The following MMD2 variants were observed in gnomAD, a reference collection of about 807,000 sequenced individuals.
MMD2 encodes the protein monocyte to macrophage differentiation factor 2.
A neutral mutation model predicts 33.5 loss-of-function variants in MMD2; 30 were observed. The observed-to-expected ratio is 0.90, with a 90% CI of 0.67 to 1.22. MMD2 has a LOEUF of 1.22. Ranked by LOEUF, MMD2 falls within the 50% of genes most tolerant of loss-of-function variation. The pLI, the probability that MMD2 is intolerant of heterozygous loss-of-function variation, is 0.00. For missense variants in MMD2, 364 were observed against 325.4 expected (o/e 1.12, Z -0.91); for synonymous variants, 129 against 123.0 (o/e 1.05, Z -0.32).
chr7:4,916,954 C>T (rs1562479040), intron 3 of MMD2, among the ~76,000 whole-genome samples: 2 of 152,188 alleles, frequency 1.3e-5, no homozygotes, highest in East Asian at 3.9e-4. Flanking sequence ...TGCCTGTAGG[C>T]CTAGCTACTC....
At chr7:4,908,785 T>C (rs1401729082) in intron 6 of MMD2, among the ~76,000 whole-genome samples, 1 of 151,220 alleles carries the variant, frequency 6.6e-6, no homozygotes. Context: ...TAATCCCAGC[T>C]ACTCAGGAGG....
Position 4,940,284 on chromosome 7 carries a change from A to G in MMD2, c.48-14752T>C, listed in dbSNP as rs1363115872. 6.6e-6 allele frequency among the ~76,000 whole-genome samples: 1 copy of G among 152,026 alleles called. No individual in the cohort carries two copies. The highest frequency in any genetic ancestry group is 1.5e-5 in the Non-Finnish European group (1 of 68,002). On this transcript the variant is annotated intron_variant, in intron 1 of 6. Coordinates refer to ENST00000401401, the MANE Select transcript of MMD2 (RefSeq NM_198403.4). The surrounding 1 kb of genome is among the most constrained non-coding windows in gnomAD (Gnocchi z 5.0). ...CCAGTCTCAGAGCTCAGCTTCTGCA[A>G]TTCCTCCCTCTCTCTCTCTGGCCTG...
chr7:4,945,697 C>A (rs1786056026), intron 1 of MMD2, among the ~76,000 whole-genome samples: 1 of 152,188 alleles, frequency 6.6e-6, no homozygotes, highest in African/African-American at 2.4e-5. Context: ...GCCTCAGCCT[C>A]CTAAGTAGCT....
intron 4 of MMD2, 43 bp downstream of exon 4, chr7:4,915,962 G>C: frequency 6.3e-7 from 1 of 1,588,048 alleles, no homozygotes; most frequent in Non-Finnish European, 8.6e-7. Flanking sequence ...ACAATGAAAA[G>C]AAAGGCCGCC....
In MMD2 at chr7:4,932,927, C is replaced by T. The variant is rs563775998; in HGVS notation, c.48-7395G>A. ...GGCGTGAGCCACCAGGCCTGGTCTC[C>T]GTGCTTTGCCTTTTCCAAAATGTCA... is the stretch of plus-strand genomic sequence containing the variant. On this transcript the variant is annotated intron_variant, in intron 1 of 6. Coordinates refer to ENST00000401401, the MANE Select transcript of MMD2 (RefSeq NM_198403.4). Among the ~76,000 whole-genome samples the T allele has an allele frequency of 5.2e-4, 79 of 151,978 alleles. 1 individual carries two copies. Among genetic ancestry groups the T allele is most frequent in the Non-Finnish European group, 4.3e-4 (29 of 67,958 alleles).
chr7:4,935,829 A>AG (rs2115131196), intron 1 of MMD2, among the ~76,000 whole-genome samples: 1 of 152,254 alleles, frequency 6.6e-6, no homozygotes, highest in African/African-American at 2.4e-5. Context: ...AATTGGAGAA[A>AG]GGATTCTCAA....
In MMD2 at chr7:4,946,235, A is replaced by G. The variant is rs1360678971; in HGVS notation, c.47+12736T>C. Among the ~76,000 whole-genome samples the G allele has an allele frequency of 6.6e-6, 1 of 151,738 alleles. No individual in the cohort carries two copies. Among genetic ancestry groups the G allele is most frequent in the East Asian group, 1.9e-4 (1 of 5,164 alleles). ...CACACACATGCACACATACACGCAC[A>G]CACACGCACACCCCACCCCGTGCAC... is the stretch of plus-strand genomic sequence containing the variant. On this transcript the variant is annotated intron_variant, in intron 1 of 6. Coordinates refer to ENST00000401401, the MANE Select transcript of MMD2 (RefSeq NM_198403.4). This position sits in a 1 kb window ranked among gnomAD's most constrained non-coding sequence, Gnocchi z 5.0.
intron 1 of MMD2, among the ~76,000 whole-genome samples, chr7:4,955,773 C>T (rs918102479): frequency 1.3e-5 from 2 of 152,178 alleles, no homozygotes; most frequent in African/African-American, 2.4e-5. Context: ...TTAAAGCTGG[C>T]CGGGCGTGGT....
At position 4,919,201 on chromosome 7, in the gene MMD2, G is replaced by A. The variant is rs548789001; in HGVS notation, c.290+970C>T. Among the ~76,000 whole-genome samples, 9 of 152,278 alleles carry A rather than the reference G, an allele frequency of 5.9e-5. No homozygotes were observed. In the East Asian group the frequency reaches 7.7e-4, roughly 13 times the overall value. On this transcript the variant is annotated intron_variant, in intron 3 of 6. Coordinates refer to ENST00000401401, the MANE Select transcript of MMD2 (RefSeq NM_198403.4). ...ATGGCGCCTGTAGCATGCCTGGAAC[G>A]AAGCCCAGAGGGGAGCTGGCCCGTC...
chr7:4,924,147 G>A (rs938108937), intron 2 of MMD2, among the ~76,000 whole-genome samples: 7 of 152,108 alleles, frequency 4.6e-5, no homozygotes, highest in Admixed American at 2.0e-4. Flanking sequence ...AGCCGAGATC[G>A]CACCACTGCA....
intron 1 of MMD2, among the ~76,000 whole-genome samples, chr7:4,938,587 C>A (rs1009291636): frequency 6.6e-6 from 1 of 152,098 alleles, no homozygotes; most frequent in Non-Finnish European, 1.5e-5. Flanking sequence ...AATACTGTTA[C>A]AACGGGGATC....
chr7:4,929,619 G>A (rs1259799758), intron 1 of MMD2, among the ~76,000 whole-genome samples: 2 of 151,930 alleles, frequency 1.3e-5, no homozygotes, highest in African/African-American at 4.8e-5. Flanking sequence ...CTGCCTCCCG[G>A]GTTCAAGTGA....
At chr7:4,909,827 G>A (rs767022624) in intron 6 of MMD2, 54 bp downstream of exon 6, 112 of 1,568,710 alleles carry the variant, frequency 7.1e-5, no homozygotes, top group South Asian at 2.3e-4. Context: ...GGTCCAGCTC[G>A]GACACTCTTG....
At chr7:4,939,793 T>A (rs73322956) in intron 1 of MMD2, among the ~76,000 whole-genome samples, 30,435 of 150,098 alleles carry the variant, frequency 0.2, 4,151 homozygotes, top group African/African-American at 0.38. Context: ...CAGGCTGGAG[T>A]GCAGTGGCAC....
chr7:4,951,760 TGG>T (rs1326902680), intron 1 of MMD2, among the ~76,000 whole-genome samples: 2 of 151,790 alleles, frequency 1.3e-5, no homozygotes, highest in African/African-American at 4.8e-5. Flanking sequence ...CCACTACAAC[TGG>T]CTAATTTTTA....
chr7:4,909,852 C>T, intron 6 of MMD2, 29 bp downstream of exon 6: 1 of 1,595,894 alleles, frequency 6.3e-7, no homozygotes, highest in Non-Finnish European at 8.5e-7. Context: ...CTTGCAGGGA[C>T]TCATCTATGC....
intron 6 of MMD2, among the ~76,000 whole-genome samples, chr7:4,908,637 C>T (rs573670605): frequency 8.6e-5 from 13 of 151,842 alleles, no homozygotes; most frequent in East Asian, 2.0e-4. Context: ...CGGTGGCTCA[C>T]GCCTATAATC....
intron 1 of MMD2, among the ~76,000 whole-genome samples, chr7:4,926,956 G>A (rs1189395039): frequency 1.3e-5 from 2 of 151,712 alleles, no homozygotes; most frequent in Admixed American, 6.6e-5. Context: ...GTTTTAGCCA[G>A]GATGGTCTCG....
the MMD2 span, among the ~76,000 whole-genome samples, chr7:4,892,802 G>A: frequency 6.6e-6 from 1 of 151,132 alleles, no homozygotes; most frequent in African/African-American, 2.4e-5. Context: ...TGCAACCTCT[G>A]CCTCCTGGGT....
Sources: allele counts gnomAD v4.1 joint callset (sites outside exome capture counted in the v4.1 genomes callset), GRCh38; gene constraint gnomAD v4.1.1; non-coding constraint Gnocchi (gnomAD v3.1); transcripts MANE v1.5; gene names NCBI Gene and HGNC (gene_info 2026-07-23, HGNC 2026-07-21).